The following TMEM232 variants were observed in gnomAD, a reference collection of about 807,000 sequenced individuals.
TMEM232 encodes transmembrane protein 232.
TMEM232 carries 80 observed loss-of-function variants against 78.8 expected under a neutral mutation model. That is an observed-to-expected ratio of 1.01 (90% CI 0.85 to 1.22). The LOEUF is 1.22. Ranked by LOEUF, TMEM232 falls within the 50% of genes most tolerant of loss-of-function variation. The probability of loss-of-function intolerance (pLI) is 0.00; values close to 1 mark genes in which losing one functional copy is unlikely to be tolerated. For synonymous variants in TMEM232, 297 were observed against 254.3 expected, an observed-to-expected ratio of 1.17 and a Z score of -1.60; for missense variants, 881 against 742.2, an observed-to-expected ratio of 1.19 and a Z score of -2.17.
At chr5:110,685,120 G>A (rs1045186453) in intron 1 of TMEM232, among the ~76,000 whole-genome samples, 6 of 151,696 alleles carry the variant, frequency 4.0e-5, no homozygotes, top group African/African-American at 1.5e-4. Flanking sequence ...GGTCACCTAC[G>A]GCTCAAAAAA....
chr5:110,734,296 T>G (rs1798958203), intron 2 of TMEM232, among the ~76,000 whole-genome samples: 1 of 152,008 alleles, frequency 6.6e-6, no homozygotes. Flanking sequence ...GAGCCCAGAG[T>G]GAAGGGGTAG....
chr5:110,565,220 T>C (rs10069091), intron 11 of TMEM232, among the ~76,000 whole-genome samples: 2,788 of 152,012 alleles, frequency 0.018, 104 homozygotes, highest in African/African-American at 0.065. Context: ...TAACTTAGAG[T>C]ATAACAAATA....
At chr5:110,434,257 A>G (rs1381628452) in intron 12 of TMEM232, among the ~76,000 whole-genome samples, 1 of 151,506 alleles carries the variant, frequency 6.6e-6, no homozygotes, top group Non-Finnish European at 1.5e-5. Flanking sequence ...AGATTCAAAT[A>G]AGCAAAATCA....
At chr5:110,680,513 G>A (rs1451971499) in intron 1 of TMEM232, among the ~76,000 whole-genome samples, 1 of 151,036 alleles carries the variant, frequency 6.6e-6, no homozygotes, top group African/African-American at 2.4e-5. Context: ...GTAGGAAGTA[G>A]AATAATCTTT....
At chr5:110,656,172 T>A (rs992904141) in intron 2 of TMEM232, among the ~76,000 whole-genome samples, 1 of 152,190 alleles carries the variant, frequency 6.6e-6, no homozygotes, top group Non-Finnish European at 1.5e-5. Flanking sequence ...GCACCTTCAA[T>A]TTCAGAAAGC....
At chr5:110,506,299 G>A (rs1161957098) in intron 12 of TMEM232, among the ~76,000 whole-genome samples, 1 of 151,984 alleles carries the variant, frequency 6.6e-6, no homozygotes, top group African/African-American at 2.4e-5. Flanking sequence ...TGTTTTGGAG[G>A]CAAGTCTGTT....
At chr5:110,551,459 G>C (rs1174533425) in intron 11 of TMEM232, among the ~76,000 whole-genome samples, 1 of 151,408 alleles carries the variant, frequency 6.6e-6, no homozygotes, top group Non-Finnish European at 1.5e-5. Context: ...TCCTGACCTC[G>C]TGATCCACCC....
chr5:110,630,851 T>C (rs1218640170), intron 5 of TMEM232, among the ~76,000 whole-genome samples: 2 of 152,080 alleles, frequency 1.3e-5, no homozygotes, highest in Non-Finnish European at 2.9e-5. Context: ...GTCCCTACCA[T>C]GGACTGCGGC....
At chr5:110,603,464 G>C (rs1014211101) in intron 10 of TMEM232, among the ~76,000 whole-genome samples, 2 of 152,052 alleles carry the variant, frequency 1.3e-5, no homozygotes, top group Non-Finnish European at 1.5e-5. Flanking sequence ...TTCTTCCCAT[G>C]GAGGGCCTTT....
At chr5:110,577,421 G>A (rs748551925) in intron 10 of TMEM232, among the ~76,000 whole-genome samples, 8 of 152,092 alleles carry the variant, frequency 5.3e-5, no homozygotes, top group Non-Finnish European at 8.8e-5. Context: ...ATACACTGTT[G>A]GTGGGAGTAA....
chr5:110,607,830 T>C (rs2149838315), intron 8 of TMEM232, among the ~76,000 whole-genome samples: 1 of 152,014 alleles, frequency 6.6e-6, no homozygotes, highest in East Asian at 1.9e-4. Context: ...TCCTCCTGCT[T>C]GTAATGCATA....
At chr5:110,405,650 G>C (rs1303798601) in intron 2 of TMEM232, among the ~76,000 whole-genome samples, 1 of 150,704 alleles carries the variant, frequency 6.6e-6, no homozygotes, top group East Asian at 1.9e-4. Context: ...TGTTGAATGG[G>C]TCTTCAAGTA....
intron 1 of TMEM232, among the ~76,000 whole-genome samples, chr5:110,702,247 C>T (rs150161880): frequency 7.6e-4 from 116 of 152,106 alleles, no homozygotes; most frequent in African/African-American, 2.3e-3. Flanking sequence ...ATGAGAGCCA[C>T]GGCAGCATGC....
chr5:110,541,593 G>A (rs1773121122), intron 11 of TMEM232, among the ~76,000 whole-genome samples: 1 of 152,062 alleles, frequency 6.6e-6, no homozygotes, highest in South Asian at 2.1e-4. Flanking sequence ...ATTCAGCATG[G>A]AGGCTTCAAT....
intron 5 of TMEM232, among the ~76,000 whole-genome samples, chr5:110,630,792 A>C (rs1785023705): frequency 6.6e-6 from 1 of 152,120 alleles, no homozygotes; most frequent in African/African-American, 2.4e-5. Context: ...CTGGGAACAC[A>C]TAGGGGCTTG....
At chr5:110,657,027 C>T (rs1413479917) in intron 2 of TMEM232, among the ~76,000 whole-genome samples, 1 of 151,984 alleles carries the variant, frequency 6.6e-6, no homozygotes, top group African/African-American at 2.4e-5. Flanking sequence ...AGTGCCATAT[C>T]CATCACTTTC....
intron 1 of TMEM232, among the ~76,000 whole-genome samples, chr5:110,674,599 C>T (rs183382553): frequency 2.8e-4 from 42 of 152,236 alleles, no homozygotes; most frequent in Middle Eastern, 3.4e-3. Flanking sequence ...GAAAGTATTA[C>T]AAGAACCTGA....
intron 6 of TMEM232, among the ~76,000 whole-genome samples, chr5:110,626,689 T>G (rs1481462760): frequency 6.6e-6 from 1 of 152,108 alleles, no homozygotes; most frequent in Admixed American, 6.6e-5. Flanking sequence ...AAATTTTCCC[T>G]CGCTGTTTGT....
intron 12 of TMEM232, among the ~76,000 whole-genome samples, chr5:110,484,929 T>C (rs181007779): frequency 6.6e-6 from 1 of 152,116 alleles, no homozygotes; most frequent in Admixed American, 6.6e-5. Flanking sequence ...AACCACAATG[T>C]GATACCATCT....
Sources: allele counts gnomAD v4.1 joint callset (sites outside exome capture counted in the v4.1 genomes callset), GRCh38; gene constraint gnomAD v4.1.1; transcripts MANE v1.5; gene names NCBI Gene and HGNC (gene_info 2026-07-23, HGNC 2026-07-21).